Variants in ARSF observed in about 807,000 individuals in gnomAD.
ARSF encodes the protein arylsulfatase F.
A neutral mutation model predicts 35.4 loss-of-function variants in ARSF; 33 were observed. That is an observed-to-expected ratio of 0.93 (90% CI 0.71 to 1.25). ARSF has a LOEUF of 1.25. Among genes scored for constraint, ARSF ranks in the 50% most tolerant of loss-of-function variants. The pLI is 0.00. For synonymous variants in ARSF, 222 were observed against 193.1 expected (o/e 1.15, Z -1.24); for missense variants, 501 against 480.2 (o/e 1.04, Z -0.40).
rs78126806 is a variant in ARSF at position 3,101,123 on chromosome X, G to A, written c.1004G>A (p.Arg335Lys). 1.8e-3 allele frequency: 2,151 copies of A among 1,208,523 alleles called. 22 individuals carry two copies. In the African/African-American group the frequency reaches 0.031, roughly 17 times the overall value. ...GATGCTATCGATGATTTTGGCCTAA[G>A]GAACAACACCCTTGTCTACTTTACA... ...ILDAIDDFGL[R>K]NNTLVYFTSD... is the part of the protein sequence containing the mutation. The change falls in exon 8 of 11, where the codon AGG becomes AAG. Residue 335 changes from arginine to lysine, a missense_variant. Arg to Lys is a conservative substitution (Grantham distance 26). Coordinates refer to ENST00000381127, the MANE Select transcript of ARSF (RefSeq NM_001201539.2).
intron 1 of ARSF, among the ~76,000 whole-genome samples, chrX:3,063,483 G>T (rs1337421331): frequency 3.6e-5 from 4 of 111,372 alleles, no homozygotes; most frequent in African/African-American, 1.3e-4. Flanking sequence ...AGAAAGAAAG[G>T]GTTTTCAATT....
At chrX:3,073,318 C>T (rs2090120299) in intron 3 of ARSF, among the ~76,000 whole-genome samples, 2 of 100,490 alleles carry the variant, frequency 2.0e-5, no homozygotes, top group South Asian at 4.2e-4. Context: ...AAGTTCTTTA[C>T]ACACATAAAC....
chrX:3,098,047 AACACACACAC>A (rs3032523), intron 7 of ARSF, among the ~76,000 whole-genome samples: 38 of 88,078 alleles, frequency 4.3e-4, no homozygotes, highest in Admixed American at 2.4e-3. Context: ...ATACACACAC[AACACACACAC>A]ACACACACAC....
chrX:3,051,257 T>C (rs1244668740), intron 1 of ARSF, among the ~76,000 whole-genome samples: 1 of 112,005 alleles, frequency 8.9e-6, no homozygotes. Flanking sequence ...GAGGGGTGTC[T>C]TATGTCTCCC....
In ARSF at chrX:3,112,589, C is replaced by A; in HGVS notation, c.*33C>A. 1 of 1,162,844 alleles carries A rather than the reference C, an allele frequency of 8.6e-7. No homozygotes were observed. Among genetic ancestry groups the A allele is most frequent in the South Asian group, 2.0e-5 (1 of 48,883 alleles). On this transcript the variant is annotated 3_prime_UTR_variant, in exon 11 of 11. Coordinates refer to ENST00000381127, the MANE Select transcript of ARSF (RefSeq NM_001201539.2). ...CAGGCTACCAGAGGAAGCCTTTGGT[C>A]CTAACGAGAAGAGATAATTACAATC...
At chrX:3,061,601 G>A (rs147550879) in intron 1 of ARSF, among the ~76,000 whole-genome samples, 169 of 111,028 alleles carry the variant, frequency 1.5e-3, no homozygotes, top group African/African-American at 5.0e-3. Context: ...AAGGGATGGA[G>A]GAAGATCTAC....
intron 1 of ARSF, among the ~76,000 whole-genome samples, chrX:3,052,292 C>A: frequency 8.9e-6 from 1 of 111,982 alleles, no homozygotes; most frequent in East Asian, 2.8e-4. Context: ...CAATGTAGTA[C>A]TTTCACCTAT....
intron 10 of ARSF, among the ~76,000 whole-genome samples, chrX:3,111,869 C>T (rs985937217): frequency 3.6e-5 from 4 of 109,897 alleles, no homozygotes; most frequent in African/African-American, 6.6e-5. Context: ...CCAGATCCCT[C>T]GCATGCACAG....
chrX:3,059,440 G>T (rs1326044006), intron 1 of ARSF, among the ~76,000 whole-genome samples: 1 of 112,350 alleles, frequency 8.9e-6, no homozygotes, highest in Non-Finnish European at 1.9e-5. Flanking sequence ...AATTGGGACT[G>T]GTTGGACAGT....
chrX:3,086,093 CT>C (rs955558915), intron 6 of ARSF, among the ~76,000 whole-genome samples: 4 of 111,586 alleles, frequency 3.6e-5, no homozygotes, highest in African/African-American at 1.3e-4. Context: ...CTTGGTGTCA[CT>C]TAGAGCAAAT....
At position 3,080,982 on chromosome X, in the gene ARSF, A is replaced by C. The variant is rs776396879; in HGVS notation, c.375A>C (p.Leu125=). 7 of 1,209,988 alleles carry C rather than the reference A, an allele frequency of 5.8e-6. No individual in the cohort carries two copies. The highest frequency in any genetic ancestry group is 7.8e-6 in the Non-Finnish European group (7 of 894,992). The change falls in exon 5 of 11, where the codon CTA becomes CTC. Residue 125 remains leucine (L), a synonymous_variant. Coordinates refer to ENST00000381127, the MANE Select transcript of ARSF (RefSeq NM_001201539.2). ...ATGAGACAACACTTGCAGCCTTGCT[A>C]AAGAAGCAAGGATACAGCACGGGGC... ...PLNETTLAAL[L]KKQGYSTGLI...
intron 4 of ARSF, among the ~76,000 whole-genome samples, chrX:3,078,155 G>A (rs777178420): frequency 5.4e-5 from 6 of 110,103 alleles, no homozygotes; most frequent in African/African-American, 1.3e-4. Context: ...CGAAATTATC[G>A]TAAGCTCTAG....
At chrX:3,109,695 T>C (rs1201202235) in intron 9 of ARSF, among the ~76,000 whole-genome samples, 1 of 111,850 alleles carries the variant, frequency 8.9e-6, no homozygotes, top group Non-Finnish European at 1.9e-5. Context: ...GGTGATTGGT[T>C]TTCTGTTTGT....
At chrX:3,087,658 A>G (rs1381365148) in intron 6 of ARSF, among the ~76,000 whole-genome samples, 1 of 102,723 alleles carries the variant, frequency 9.7e-6, no homozygotes, top group African/African-American at 3.6e-5. Flanking sequence ...AACTACTACA[A>G]TTGTATCCAG....
intron 3 of ARSF, among the ~76,000 whole-genome samples, chrX:3,074,080 T>C (rs1370660834): frequency 9.0e-6 from 1 of 110,506 alleles, no homozygotes. Flanking sequence ...ACAACGGAGC[T>C]AGGAGTCATG....
At chrX:3,063,761 C>T (rs1446620925) in intron 1 of ARSF, among the ~76,000 whole-genome samples, 1 of 111,561 alleles carries the variant, frequency 9.0e-6, no homozygotes, top group Non-Finnish European at 1.9e-5. Flanking sequence ...ATGTGAAGGA[C>T]CTCTTCAAGG....
upstream of ARSF, chrX:3,041,347 A>G (rs752578519): frequency 1.1e-5 from 1 of 91,155 alleles, no homozygotes; most frequent in African/African-American, 4.4e-5. Context: ...CCCAGGCTGG[A>G]GTGCAATGGC....
chrX:3,088,351 AT>A (rs1382131477), intron 6 of ARSF, among the ~76,000 whole-genome samples: 1 of 111,432 alleles, frequency 9.0e-6, no homozygotes, highest in Non-Finnish European at 1.9e-5. Flanking sequence ...CACTCGCATG[AT>A]ATGGGAGGTC....
chrX:3,110,667 C>T (rs188115746), intron 10 of ARSF, among the ~76,000 whole-genome samples: 94 of 111,746 alleles, frequency 8.4e-4, no homozygotes, highest in Non-Finnish European at 1.3e-3. Flanking sequence ...GAGGCCGAGG[C>T]GGGCAGATCA....
Sources: allele counts gnomAD v4.1 joint callset (sites outside exome capture counted in the v4.1 genomes callset), GRCh38; gene constraint gnomAD v4.1.1; transcripts MANE v1.5; gene names NCBI Gene and HGNC (gene_info 2026-07-23, HGNC 2026-07-21).